Variants in CMIP observed in about 807,000 individuals in gnomAD.
CMIP encodes C-Maf-inducing protein.
In CMIP, 13 loss-of-function variants were observed where a neutral mutation model predicts 97.3. That is an observed-to-expected ratio of 0.13 (90% CI 0.09 to 0.21). The LOEUF is 0.21. CMIP is among the 10% of genes least tolerant of loss of function. The pLI, the probability that CMIP is intolerant of heterozygous loss-of-function variation, is 1.00. For missense variants in CMIP, 847 were observed against 1,024.9 expected (o/e 0.83, Z 2.37); for synonymous variants, 538 against 436.3 (o/e 1.23, Z -2.91).
At position 81,621,049 on chromosome 16, in the gene CMIP, G is replaced by A. The variant is rs189872580; in HGVS notation, c.477+123G>A. On this transcript the variant is annotated intron_variant, in intron 3 of 20. Coordinates refer to ENST00000537098, the MANE Select transcript of CMIP (RefSeq NM_198390.3). The surrounding 1 kb of genome is among the most constrained non-coding windows in gnomAD (Gnocchi z 4.1). Reference sequence around the variant, plus strand: ...ATGCCTTCCAGATGGCTCAGCTGAGGAACTTTGTTCCCCTACCTAAGAGCC... The same window carrying A: ...ATGCCTTCCAGATGGCTCAGCTGAGAAACTTTGTTCCCCTACCTAAGAGCC... The A allele has an allele frequency of 3.2e-6, 4 of 1,238,154 alleles. No homozygotes were observed. In the Admixed American group the frequency reaches 8.4e-5, roughly 26 times the overall value. 76.7% of individuals were successfully genotyped at this position (1,238,154 alleles called of 1,614,324 possible).
intron 1 of CMIP, chr16:81,517,961 G>A (rs2089948413): frequency 1.0e-6 from 1 of 971,580 alleles, no homozygotes; most frequent in Non-Finnish European, 1.2e-6. Context: ...GAACGCCAGT[G>A]GATGTGTGGA....
chr16:81,595,021 G>A (rs187696234), intron 1 of CMIP, among the ~76,000 whole-genome samples: 2 of 146,682 alleles, frequency 1.4e-5, no homozygotes, highest in Non-Finnish European at 3.0e-5. Context: ...TACAATAAAG[G>A]TAATATCATG....
chr16:81,653,503 C>G (rs1347763580), intron 4 of CMIP, among the ~76,000 whole-genome samples: 1 of 152,200 alleles, frequency 6.6e-6, no homozygotes, highest in Non-Finnish European at 1.5e-5. Flanking sequence ...CAGCATCGTT[C>G]CAAGAGGAGT....
At chr16:81,491,277 G>A (rs756536698) in intron 1 of CMIP, among the ~76,000 whole-genome samples, 2 of 152,226 alleles carry the variant, frequency 1.3e-5, no homozygotes, top group African/African-American at 2.4e-5. Flanking sequence ...ACAGGGCTGG[G>A]CCAGCCCTTG....
intron 1 of CMIP, among the ~76,000 whole-genome samples, chr16:81,469,198 C>G (rs1024785403): frequency 6.6e-6 from 1 of 152,202 alleles, no homozygotes; most frequent in Non-Finnish European, 1.5e-5. Flanking sequence ...TGGGGTCATT[C>G]TGGACTAGAA....
chr16:81,705,686 G>A, intron 19 of CMIP, 82 bp downstream of exon 19: 1 of 865,962 alleles, frequency 1.2e-6, no homozygotes, highest in East Asian at 2.7e-5. Flanking sequence ...GCCAAGCACT[G>A]ACTTTGCACC....
chr16:81,582,220 G>C (rs2091307863), intron 1 of CMIP, among the ~76,000 whole-genome samples: 1 of 152,124 alleles, frequency 6.6e-6, no homozygotes, highest in Admixed American at 6.5e-5. Flanking sequence ...AATTGAACAT[G>C]AGTCTGGGGT....
At chr16:81,672,100 G>T (rs139610443) in intron 9 of CMIP, 30 bp downstream of exon 9, 1 of 1,369,766 alleles carries the variant, frequency 7.3e-7, no homozygotes, top group African/African-American at 1.4e-5. Context: ...CCACCCAGAG[G>T]GCTTGGGAGG....
rs367818187 is a variant in CMIP at position 81,607,614 on chromosome 16, C to T, written c.348C>T (p.Asp116=). The T allele has an allele frequency of 1.1e-5, 17 of 1,613,892 alleles. No individual in the cohort carries two copies. Among genetic ancestry groups the T allele is most frequent in the African/African-American group, 9.3e-5 (7 of 74,954 alleles). ...ENSVSYSAIE[D]VQLLSWENAP... is the part of the protein sequence containing the mutation. ...CAGTCTCCTACAGCGCAATTGAAGACGTTCAGCTGCTGTCCTGGGAGAATG... is the reference window on the plus strand; with the variant it reads ...CAGTCTCCTACAGCGCAATTGAAGATGTTCAGCTGCTGTCCTGGGAGAATG... The change falls in exon 2 of 21, where the codon GAC becomes GAT. Residue 116 remains aspartate, a synonymous_variant. Transcript: ENST00000537098.
intron 1 of CMIP, among the ~76,000 whole-genome samples, chr16:81,492,121 C>T (rs571724986): frequency 2.6e-5 from 4 of 152,116 alleles, no homozygotes; most frequent in Non-Finnish European, 5.9e-5. Context: ...GAAAAATTCC[C>T]AGGAGGGAGA....
chr16:81,563,160 C>G (rs1005831414), intron 1 of CMIP, among the ~76,000 whole-genome samples: 4 of 152,222 alleles, frequency 2.6e-5, no homozygotes, highest in Non-Finnish European at 4.4e-5. Context: ...CTTTGTCTTC[C>G]AGTTCTTGAA....
chr16:81,657,808 A>C lies in CMIP; in HGVS notation c.673A>C (p.Ile225Leu), dbSNP rs778996586. The C allele has an allele frequency of 1.9e-5, 30 of 1,607,676 alleles. No individual in the cohort carries two copies. Among genetic ancestry groups the C allele is most frequent in the Non-Finnish European group, 2.5e-5 (29 of 1,177,122 alleles). Residue 225 changes from isoleucine to leucine, a missense_variant, in exon 5 of 21, where the codon ATC becomes CTC. Physicochemically the swap from Ile to Leu is conservative, Grantham distance 5. Transcript: ENST00000537098. ...CTTGACCACCCAGGAGCATGAAAAC[A>C]TCATTGTGGTAAGTTCCTCTCGAAC... is the stretch of plus-strand genomic sequence containing the variant. ...TNLTTQEHEN[I>L]IVAIAPLLEN...
chr16:81,490,445 G>A (rs1358542781), intron 1 of CMIP, among the ~76,000 whole-genome samples: 1 of 152,102 alleles, frequency 6.6e-6, no homozygotes, highest in African/African-American at 2.4e-5. Context: ...CATGGTGAAA[G>A]CCTGTCTCCA....
chr16:81,686,137 G>C (rs942363761), intron 10 of CMIP, among the ~76,000 whole-genome samples: 9 of 152,222 alleles, frequency 5.9e-5, no homozygotes, highest in African/African-American at 7.2e-5. Flanking sequence ...AGCCCTTGGA[G>C]AGCACCTGGC....
chr16:81,703,373 C>T (rs972704191), intron 17 of CMIP, among the ~76,000 whole-genome samples: 2 of 152,060 alleles, frequency 1.3e-5, no homozygotes, highest in Non-Finnish European at 2.9e-5. Flanking sequence ...CTCAGGCATG[C>T]GCTGGTGTCT....
intron 7 of CMIP, 55 bp from the exon 8 acceptor site, chr16:81,670,086 TG>T: frequency 6.5e-7 from 1 of 1,534,874 alleles, no homozygotes; most frequent in Non-Finnish European, 8.8e-7. Context: ...CTGGCTGCCC[TG>T]GGCTCCTGCC....
intron 1 of CMIP, among the ~76,000 whole-genome samples, chr16:81,583,806 A>G (rs1192050430): frequency 6.6e-6 from 1 of 152,068 alleles, no homozygotes; most frequent in Non-Finnish European, 1.5e-5. Flanking sequence ...AGGGGGCTGG[A>G]TTTTTCTCTG....
chr16:81,474,765 C>A (rs752644616), intron 1 of CMIP, among the ~76,000 whole-genome samples: 1 of 152,354 alleles, frequency 6.6e-6, no homozygotes, highest in East Asian at 1.9e-4. Context: ...CTCTCCTGCA[C>A]GCCCTTCCTG....
chr16:81,502,317 G>T (rs2089628061), intron 1 of CMIP, among the ~76,000 whole-genome samples: 1 of 152,230 alleles, frequency 6.6e-6, no homozygotes, highest in Non-Finnish European at 1.5e-5. Flanking sequence ...TCCTAGTAAA[G>T]TGATCAGTGA....
Sources: gnomAD v4.1 joint callset for allele counts (sites outside exome capture counted in the v4.1 genomes callset) on GRCh38, gnomAD v4.1.1 for gene constraint, Gnocchi (gnomAD v3.1) non-coding constraint, MANE v1.5 for transcripts, NCBI Gene and HGNC (gene_info 2026-07-23, HGNC 2026-07-21) for gene names.